KANK4: variants seen among roughly 807,000 people sequenced by gnomAD.
KANK4 encodes the protein KN motif and ankyrin repeat domains 4.
Under a neutral mutation model 80.8 loss-of-function variants are expected in KANK4, and 50 were observed. The observed-to-expected ratio is 0.62, with a 90% confidence interval of 0.49 to 0.78. The LOEUF is 0.78. Ranked by LOEUF, KANK4 falls within the 30% of genes least tolerant of loss-of-function variation. The probability of loss-of-function intolerance (pLI) is 0.00; values close to 1 mark genes in which losing one functional copy is unlikely to be tolerated. For missense variants in KANK4, 1,196 were observed against 1,240.1 expected (o/e 0.96, Z 0.53); for synonymous variants, 465 against 506.9 (o/e 0.92, Z 1.11).
chr1:62,249,665 C>T (rs1308202586), intron 8 of KANK4, among the ~76,000 whole-genome samples: 1 of 151,666 alleles, frequency 6.6e-6, no homozygotes, highest in Non-Finnish European at 1.5e-5. Context: ...GCCTCAGCCT[C>T]CCGAGTAGCT....
chr1:62,302,332 C>G (rs1263129805), intron 1 of KANK4, among the ~76,000 whole-genome samples: 2 of 152,012 alleles, frequency 1.3e-5, no homozygotes, highest in Admixed American at 1.3e-4. Context: ...GAAAGAGGAG[C>G]TGGCATAGGA....
intron 1 of KANK4, among the ~76,000 whole-genome samples, chr1:62,294,932 C>T (rs1420586290): frequency 6.6e-6 from 1 of 152,264 alleles, no homozygotes; most frequent in South Asian, 2.1e-4. Flanking sequence ...GTGTTCCATC[C>T]GGTAATACAA....
chr1:62,303,598 T>G (rs552833825), intron 1 of KANK4, among the ~76,000 whole-genome samples: 2 of 152,188 alleles, frequency 1.3e-5, no homozygotes, highest in Admixed American at 1.3e-4. Flanking sequence ...AGTGGCTAAC[T>G]AACTACATGT....
In KANK4 at chr1:62,263,153, C is replaced by T. The variant is rs149863313; in HGVS notation, c.2478G>A (p.Thr826=). Residue 826 remains threonine (T), a synonymous_variant, in exon 7 of 10, where the codon ACG becomes ACA. Transcript: ENST00000371153. ...AGTGGGACACGCTGTAGTGAAGGGC[C>T]GTGTTCCCGTTGTGATCGGCCAAGT... is the stretch of plus-strand genomic sequence containing the variant. ...LVNLADHNGN[T]ALHYSVSHSN... is the part of the protein sequence containing the mutation. 26 of 1,613,912 alleles carry T rather than the reference C, an allele frequency of 1.6e-5. No homozygotes were observed. The Admixed American group carries it at 3.3e-4, about 21-fold the overall frequency.
In KANK4 at chr1:62,263,301, A is replaced by G. The variant is rs765478411; in HGVS notation, c.2330T>C (p.Leu777Ser). Reference protein sequence around the residue: ...TTTDQLLRQSLNTISQEWFRV... With the variant: ...TTTDQLLRQSSNTISQEWFRV... ...GAACCACTCTTGACTGATGGTGTTC[A>G]AGCTTTGCCTCTGAAACCCCAAAAA... The change falls in exon 7 of 10, where the codon TTG becomes TCG. Residue 777 changes from leucine to serine, a missense_variant. Coordinates refer to ENST00000371153, the MANE Select transcript of KANK4 (RefSeq NM_181712.5). The G allele has an allele frequency of 2.5e-6, 4 of 1,613,140 alleles. No homozygotes were observed. The highest frequency in any genetic ancestry group is 3.4e-6 in the Non-Finnish European group (4 of 1,179,708).
In KANK4 at chr1:62,266,684, T is replaced by A. The variant is rs372067170; in HGVS notation, c.2319+48A>T. 2.3e-5 allele frequency: 30 copies of A among 1,310,246 alleles called. 1 individual carries two copies. Among genetic ancestry groups the A allele is most frequent in the Non-Finnish European group, 3.3e-5 (30 of 907,844 alleles). The allele number at this position is 1,310,246 out of a possible 1,614,324, so 81.2% of individuals were successfully genotyped here. On this transcript the variant is annotated intron_variant, in intron 6 of 9. Coordinates refer to ENST00000371153, the MANE Select transcript of KANK4 (RefSeq NM_181712.5). ...CAAAGTCACCCTGGCAGAGCTAACG[T>A]CTTAAACAGAAGGGAAATCTTTACA... is the stretch of plus-strand genomic sequence containing the variant.
At chr1:62,271,751 G>C (rs925711868) in intron 3 of KANK4, 162 bp from the exon 4 acceptor site, 1 of 578,986 alleles carries the variant, frequency 1.7e-6, no homozygotes, top group Non-Finnish European at 3.1e-6. Context: ...GGACCTCTTG[G>C]AGGAGCCTTG....
intron 8 of KANK4, among the ~76,000 whole-genome samples, chr1:62,251,398 C>T (rs1671614420): frequency 6.6e-6 from 1 of 152,186 alleles, no homozygotes; most frequent in East Asian, 1.9e-4. Flanking sequence ...AGACTCTTCA[C>T]AGTTCTCAAC....
At chr1:62,287,203 C>A (rs1203688609) in intron 1 of KANK4, among the ~76,000 whole-genome samples, 1 of 152,208 alleles carries the variant, frequency 6.6e-6, no homozygotes, top group African/African-American at 2.4e-5. Flanking sequence ...TCTACACTCT[C>A]CAAACCCTGT....
intron 1 of KANK4, among the ~76,000 whole-genome samples, chr1:62,297,228 G>A (rs868096259): frequency 6.6e-5 from 10 of 152,148 alleles, no homozygotes; most frequent in African/African-American, 1.2e-4. Flanking sequence ...GTGAGACTCC[G>A]TCTCAAAAAA....
chr1:62,272,986 T>C lies in KANK4; in HGVS notation c.1900+218A>G, dbSNP rs185533110. ...TTGTATTTTTAGTAGAGATGGGTTT[T>C]CGCCATGTTGACCAGGCTGGTCTTG... On this transcript the variant is annotated intron_variant, in intron 3 of 9. Transcript: ENST00000371153. Among the ~76,000 whole-genome samples, 156 of 152,168 alleles carry C rather than the reference T, an allele frequency of 1.0e-3. 1 individual carries two copies. The East Asian group carries it at 0.029, about 28-fold the overall frequency.
At position 62,260,923 on chromosome 1, in the gene KANK4, C is replaced by T. The variant is rs180680832; in HGVS notation, c.2539+2169G>A. Among the ~76,000 whole-genome samples the T allele has an allele frequency of 7.2e-5, 11 of 152,324 alleles. No homozygotes were observed. The East Asian group carries it at 2.1e-3, about 29-fold the overall frequency. On this transcript the variant is annotated intron_variant, in intron 7 of 9. Transcript: ENST00000371153. ...ATTGCATGTGCTCTGGCTGGCCCCA[C>T]CCAAAGCTCTGTTGCCCTTTCATTT...
At chr1:62,280,614 AC>A (rs1672431691) in intron 2 of KANK4, among the ~76,000 whole-genome samples, 1 of 152,214 alleles carries the variant, frequency 6.6e-6, no homozygotes, top group African/African-American at 2.4e-5. Context: ...CTAGAAAAAA[AC>A]ATTTCATTAG....
Position 62,271,549 on chromosome 1 carries a change from C to A in KANK4, c.1941G>T (p.Lys647Asn). The change falls in exon 4 of 10, where the codon AAG (lysine) becomes AAT (asparagine). Residue 647 changes from lysine to asparagine, a missense_variant. This residue lies in a region of KANK4 where 1,154 missense variants were observed against 1,179.6 expected (regional missense o/e 0.98). Transcript: ENST00000371153. ...PSTSLKSIMK[K>N]KDYGFRAGGN... ...CTCCTGCACGGAAGCCATAGTCTTTCTTTTTCATTATGGATTTAAGGCTGG... is the reference window on the plus strand; with the variant it reads ...CTCCTGCACGGAAGCCATAGTCTTTATTTTTCATTATGGATTTAAGGCTGG... The A allele has an allele frequency of 6.2e-7, 1 of 1,614,046 alleles. No individual in the cohort carries two copies.
At chr1:62,286,121 C>T (rs1231083718) in intron 1 of KANK4, among the ~76,000 whole-genome samples, 1 of 152,232 alleles carries the variant, frequency 6.6e-6, no homozygotes, top group African/African-American at 2.4e-5. Flanking sequence ...GTGTCATTTT[C>T]GCCTGCATTG....
intron 4 of KANK4, among the ~76,000 whole-genome samples, chr1:62,269,036 A>G (rs1672096477): frequency 6.6e-6 from 1 of 152,110 alleles, no homozygotes; most frequent in African/African-American, 2.4e-5. Context: ...GAACTCCTCC[A>G]CACCTACATC....
chr1:62,253,492 C>T (rs1237929175), intron 7 of KANK4, among the ~76,000 whole-genome samples: 2 of 144,898 alleles, frequency 1.4e-5, no homozygotes, highest in Admixed American at 7.3e-5. Flanking sequence ...TCACTGCAAC[C>T]TCCACCTCCC....
intron 7 of KANK4, 151 bp downstream of exon 7, chr1:62,262,941 T>C: frequency 1.5e-6 from 1 of 680,602 alleles, no homozygotes; most frequent in South Asian, 1.6e-5. Context: ...ATGGGTATAC[T>C]ACAAGACCAG....
intron 7 of KANK4, among the ~76,000 whole-genome samples, chr1:62,258,781 G>C (rs12062426): frequency 0.2 from 29,989 of 152,070 alleles, 3,742 homozygotes; most frequent in East Asian, 0.69. Flanking sequence ...AAAGAAAGAG[G>C]GTTCTCCCCT....
Sources: gnomAD v4.1 joint callset for allele counts (sites outside exome capture counted in the v4.1 genomes callset) on GRCh38, gnomAD v4.1.1 for gene constraint, gnomAD v4.1.1 regional missense constraint, MANE v1.5 for transcripts, NCBI Gene and HGNC (gene_info 2026-07-23, HGNC 2026-07-21) for gene names.